FOXO3: variants seen among roughly 807,000 people sequenced by gnomAD.
FOXO3 encodes the protein forkhead box O3.
In FOXO3, 4 loss-of-function variants were observed where a neutral mutation model predicts 41.9. That is an observed-to-expected ratio of 0.10 (90% CI 0.05 to 0.22). The LOEUF (loss-of-function observed/expected upper bound fraction) is 0.22, where lower values mean the gene tolerates loss of function less well. Ranked by LOEUF, FOXO3 falls within the 10% of genes least tolerant of loss-of-function variation. The pLI is 1.00. For missense variants in FOXO3, 534 were observed against 906.8 expected, an observed-to-expected ratio of 0.59 and a Z score of 5.28; for synonymous variants, 318 against 389.3, an observed-to-expected ratio of 0.82 and a Z score of 2.16.
intron 1 of FOXO3, chr6:108,656,356 T>G (rs1582820551): frequency 1.0e-6 from 1 of 985,168 alleles, no homozygotes; most frequent in African/African-American, 1.7e-5. Flanking sequence ...GAGTGGACAG[T>G]CTCCACAAGG....
chr6:108,564,599 C>CA (rs1223225902), intron 1 of FOXO3, among the ~76,000 whole-genome samples: 1 of 152,114 alleles, frequency 6.6e-6, no homozygotes, highest in Admixed American at 6.6e-5. Context: ...ACCTTGTAAC[C>CA]AAAATTATCA....
chr6:108,583,435 A>C (rs1776485764), intron 1 of FOXO3, among the ~76,000 whole-genome samples: 1 of 152,216 alleles, frequency 6.6e-6, no homozygotes, highest in Non-Finnish European at 1.5e-5. Flanking sequence ...AGTATATTGC[A>C]TGTAATGTTT....
intron 1 of FOXO3, among the ~76,000 whole-genome samples, chr6:108,637,349 C>T (rs573440622): frequency 6.6e-6 from 1 of 152,208 alleles, no homozygotes; most frequent in Non-Finnish European, 1.5e-5. Context: ...AGAAACCAGC[C>T]TAGAAACCAG....
Position 108,561,232 on chromosome 6 carries a change from G to A in FOXO3, c.24G>A (p.Pro8=), listed in dbSNP as rs780454191. ...AGATGGCAGAGGCACCGGCTTCCCC[G>A]GCCCCGCTCTCTCCGCTCGAAGTGG... MAEAPAS[P]APLSPLEVEL... Residue 8 remains proline, a synonymous_variant, in exon 1 of 3, where the codon CCG becomes CCA. Coordinates refer to ENST00000406360, the MANE Select transcript of FOXO3 (RefSeq NM_001455.4). 16 of 1,555,678 alleles carry A rather than the reference G, an allele frequency of 1.0e-5. No homozygotes were observed. Among genetic ancestry groups the A allele is most frequent in the Admixed American group, 1.9e-5 (1 of 52,208 alleles).
At chr6:108,607,324 C>G (rs1427696926) in intron 1 of FOXO3, among the ~76,000 whole-genome samples, 1 of 151,808 alleles carries the variant, frequency 6.6e-6, no homozygotes, top group African/African-American at 2.4e-5. Context: ...TGGCGTGCAC[C>G]TTTGGATCGC....
At position 108,616,321 on chromosome 6, in the gene FOXO3, C is replaced by T. The variant is rs144232400; in HGVS notation, c.622-47134C>T. On this transcript the variant is annotated intron_variant, in intron 1 of 2. Coordinates refer to ENST00000406360, the MANE Select transcript of FOXO3 (RefSeq NM_001455.4). ...CTGGGACTACAGGCACCCACCACCACGCCTGGCTAATTTTTTTATTTTTTA... is the reference window on the plus strand; with the variant it reads ...CTGGGACTACAGGCACCCACCACCATGCCTGGCTAATTTTTTTATTTTTTA... Among the ~76,000 whole-genome samples the T allele has an allele frequency of 3.2e-3, 492 of 152,096 alleles. 2 individuals carry two copies. The highest frequency in any genetic ancestry group is 3.5e-3 in the South Asian group (17 of 4,810).
intron 1 of FOXO3, among the ~76,000 whole-genome samples, chr6:108,658,161 A>T (rs1427448985): frequency 2.6e-5 from 4 of 152,192 alleles, no homozygotes; most frequent in African/African-American, 9.7e-5. Context: ...TATTTCTGGC[A>T]TCTGATTTTG....
At chr6:108,631,984 A>G (rs1242189926) in intron 1 of FOXO3, among the ~76,000 whole-genome samples, 1 of 151,950 alleles carries the variant, frequency 6.6e-6, no homozygotes, top group Non-Finnish European at 1.5e-5. Context: ...TTCTGGATAT[A>G]TCTGTTTTCT....
intron 1 of FOXO3, among the ~76,000 whole-genome samples, chr6:108,600,524 G>A (rs968401776): frequency 8.4e-5 from 11 of 131,722 alleles, no homozygotes; most frequent in African/African-American, 3.2e-4. Flanking sequence ...TCCAGTCTAG[G>A]TGACAGAGCA....
chr6:108,628,720 C>G (rs1777879263), intron 1 of FOXO3, among the ~76,000 whole-genome samples: 2 of 152,060 alleles, frequency 1.3e-5, no homozygotes. Context: ...GAATTTAAAC[C>G]CACTCTGCAG....
chr6:108,661,678 T>C (rs73519961), intron 1 of FOXO3, among the ~76,000 whole-genome samples: 2,332 of 152,272 alleles, frequency 0.015, 64 homozygotes, highest in African/African-American at 0.053. Context: ...ATAGCCATAA[T>C]GAAGGTGGGG....
chr6:108,649,732 G>A (rs1025005070), intron 1 of FOXO3, among the ~76,000 whole-genome samples: 5 of 151,914 alleles, frequency 3.3e-5, no homozygotes, highest in African/African-American at 1.2e-4. Flanking sequence ...GGACTCAGCT[G>A]TCTTTCTTCA....
At chr6:108,580,575 T>TG (rs1776389446) in intron 1 of FOXO3, among the ~76,000 whole-genome samples, 1 of 152,204 alleles carries the variant, frequency 6.6e-6, no homozygotes, top group Admixed American at 6.5e-5. Context: ...GTGATAGAAG[T>TG]GGGACTCCTG....
intron 2 of FOXO3, among the ~76,000 whole-genome samples, chr6:108,666,570 C>T (rs559172302): frequency 9.1e-4 from 138 of 151,872 alleles, no homozygotes; most frequent in Non-Finnish European, 1.7e-3. Flanking sequence ...GTCTCGATCT[C>T]CTGACCTTGT....
At chr6:108,584,421 A>G (rs1776517720) in intron 1 of FOXO3, among the ~76,000 whole-genome samples, 1 of 152,028 alleles carries the variant, frequency 6.6e-6, no homozygotes, top group Non-Finnish European at 1.5e-5. Flanking sequence ...AAGTTTTGCA[A>G]CCCTCAAGGA....
intron 1 of FOXO3, among the ~76,000 whole-genome samples, chr6:108,572,309 G>A (rs1776124403): frequency 6.6e-6 from 1 of 152,186 alleles, no homozygotes; most frequent in East Asian, 1.9e-4. Context: ...AGAAGATGGA[G>A]GCATACCATG....
intron 1 of FOXO3, among the ~76,000 whole-genome samples, chr6:108,643,778 A>G (rs1778323676): frequency 6.6e-6 from 1 of 152,176 alleles, no homozygotes. Flanking sequence ...AACTGCAGAA[A>G]GTTCAAGAGG....
chr6:108,664,125 A>G lies in FOXO3; in HGVS notation c.1292A>G (p.Asn431Ser). Residue 431 changes from asparagine (N) to serine (S), a missense_variant, in exon 2 of 3, where the codon AAC becomes AGC. Coordinates refer to ENST00000406360, the MANE Select transcript of FOXO3 (RefSeq NM_001455.4). ...CTGGGCTCCCCAACCAGCTCCTTTAACAGCACGGTGTTCGGACCTTCATCT... is the reference window on the plus strand; with the variant it reads ...CTGGGCTCCCCAACCAGCTCCTTTAGCAGCACGGTGTTCGGACCTTCATCT... ...SGLGSPTSSF[N>S]STVFGPSSLN... 3 of 1,614,064 alleles carry G rather than the reference A, an allele frequency of 1.9e-6. No homozygotes were observed. The highest frequency in any genetic ancestry group is 2.5e-6 in the Non-Finnish European group (3 of 1,180,024).
chr6:108,564,581 AT>A (rs1775904190), intron 1 of FOXO3, among the ~76,000 whole-genome samples: 1 of 152,246 alleles, frequency 6.6e-6, no homozygotes, highest in Non-Finnish European at 1.5e-5. Flanking sequence ...GGGCCATTGC[AT>A]TATGAGACCT....
Sources: allele counts gnomAD v4.1 joint callset (sites outside exome capture counted in the v4.1 genomes callset), GRCh38; gene constraint gnomAD v4.1.1; transcripts MANE v1.5; gene names NCBI Gene and HGNC (gene_info 2026-07-23, HGNC 2026-07-21).